Variants in CHEK1 observed in about 807,000 individuals in gnomAD.
The protein encoded by CHEK1 is serine/threonine-protein kinase Chk1.
In CHEK1, 32 loss-of-function variants were observed where a neutral mutation model predicts 60.2. That is an observed-to-expected ratio of 0.53 (90% CI 0.40 to 0.71). The LOEUF (loss-of-function observed/expected upper bound fraction) is 0.71. Among genes scored for constraint, CHEK1 ranks in the 30% least tolerant of loss-of-function variants. The pLI is 0.00. For missense variants in CHEK1, 399 were observed against 564.6 expected, an observed-to-expected ratio of 0.71 and a Z score of 2.97; for synonymous variants, 179 against 187.2, an observed-to-expected ratio of 0.96 and a Z score of 0.36.
downstream of CHEK1, chr11:125,680,636 G>A: frequency 8.5e-7 from 1 of 1,175,312 alleles, no homozygotes; most frequent in East Asian, 2.4e-5. Flanking sequence ...ATTGGTTTGG[G>A]TGACTGAGAG....
At chr11:125,650,537 G>A (rs538721736) in intron 11 of CHEK1, among the ~76,000 whole-genome samples, 2 of 147,800 alleles carry the variant, frequency 1.4e-5, no homozygotes, top group African/African-American at 5.0e-5. Context: ...GCTCACTGCA[G>A]CCTCCACCTC....
intron 11 of CHEK1, among the ~76,000 whole-genome samples, chr11:125,646,085 A>C (rs1306290264): frequency 6.6e-6 from 1 of 152,112 alleles, no homozygotes; most frequent in Non-Finnish European, 1.5e-5. Context: ...AGAACATTGC[A>C]TCACCACGGG....
chr11:125,634,015 T>TTTTTA (rs59629339), intron 6 of CHEK1, among the ~76,000 whole-genome samples: 4 of 150,738 alleles, frequency 2.7e-5, no homozygotes, highest in African/African-American at 7.3e-5. Context: ...TTTTTTTTTT[T>TTTTTA]AGACCAGAGT....
downstream of CHEK1, among the ~76,000 whole-genome samples, chr11:125,679,216 C>CTTTTTTTTTTTT (rs71045115): frequency 2.7e-3 from 330 of 121,006 alleles, 17 homozygotes; most frequent in East Asian, 5.3e-3. Context: ...CCGTCTCTTT[C>CTTTTTTTTTTTT]TTTTTTTTTT....
intron 2 of CHEK1, 134 bp downstream of exon 2, chr11:125,626,967 A>G: frequency 5.4e-6 from 5 of 918,550 alleles, no homozygotes; most frequent in Non-Finnish European, 8.2e-6. Context: ...GCCTTTTGCT[A>G]GGATTAAAAA....
At chr11:125,674,427 C>T (rs1942382979) in intron 13 of CHEK1, among the ~76,000 whole-genome samples, 1 of 152,166 alleles carries the variant, frequency 6.6e-6, no homozygotes, top group South Asian at 2.1e-4. Context: ...TAATTTCAGG[C>T]TGAAGCATAA....
At chr11:125,676,353 A>G (rs1421297477), downstream of CHEK1, 9 of 1,614,118 alleles carry the variant, frequency 5.6e-6, no homozygotes, top group South Asian at 1.1e-5. Context: ...TGAAGTCCCC[A>G]TATACCTTCA....
Position 125,626,840 on chromosome 11 carries a change from T to G in CHEK1, c.65+7T>G. ...GAGAAGGTGCCTATGGAGAGTGAGT[T>G]CTTTTAAGCTTGCCTTCGTTTTCTG... On this transcript the variant is annotated splice_region_variant and intron_variant, in intron 2 of 12. Coordinates refer to ENST00000438015, the MANE Select transcript of CHEK1 (RefSeq NM_001114122.3). 6.2e-7 allele frequency: 1 copy of G among 1,614,128 alleles called. No homozygotes were observed. Among genetic ancestry groups the G allele is most frequent in the Non-Finnish European group, 8.5e-7 (1 of 1,179,976 alleles).
intron 13 of CHEK1, among the ~76,000 whole-genome samples, chr11:125,674,178 A>G (rs1419156084): frequency 1.3e-5 from 2 of 152,208 alleles, no homozygotes; most frequent in Non-Finnish European, 2.9e-5. Flanking sequence ...GAACTATGCT[A>G]GACTCTGGAG....
intron 10 of CHEK1, 31 bp downstream of exon 10, chr11:125,644,299 G>T (rs771089297): frequency 3.8e-6 from 6 of 1,576,228 alleles, no homozygotes; most frequent in Non-Finnish European, 5.2e-6. Flanking sequence ...AAAAGTAATG[G>T]CAGCTCTTTA....
Position 125,641,292 on chromosome 11 carries a change from C to T in CHEK1, c.815-2500C>T, listed in dbSNP as rs373631765. Among the ~76,000 whole-genome samples the T allele has an allele frequency of 2.6e-5, 4 of 152,176 alleles. No individual in the cohort carries two copies. In the East Asian group the frequency reaches 7.7e-4, roughly 29 times the overall value. ...CCAGGCGTTACACTCTTCTGATTTT[C>T]GTCCTTCTCACTGGTCGCTCTTTTC... On this transcript the variant is annotated intron_variant, in intron 8 of 12. Transcript: ENST00000438015.
At chr11:125,628,213 ATCTAAAATAGCATGCTG>A (rs1472478162) in intron 3 of CHEK1, among the ~76,000 whole-genome samples, 3 of 152,222 alleles carry the variant, frequency 2.0e-5, no homozygotes, top group Admixed American at 2.0e-4. Context: ...ACATTTACAG[ATCTAAAATAGCATGCTG>A]TTTCCTCTTG....
At chr11:125,671,284 A>G (rs367563332) in intron 13 of CHEK1, among the ~76,000 whole-genome samples, 4 of 152,178 alleles carry the variant, frequency 2.6e-5, no homozygotes, top group South Asian at 2.1e-4. Context: ...TCAAAAAAAA[A>G]AGTTATTAGT....
chr11:125,659,875 C>A (rs1457772259), downstream of CHEK1, among the ~76,000 whole-genome samples: 1 of 152,134 alleles, frequency 6.6e-6, no homozygotes, highest in Non-Finnish European at 1.5e-5. Context: ...CCCACTTTTT[C>A]TTCCTCCAGT....
At chr11:125,673,465 C>T (rs934795393) in intron 13 of CHEK1, among the ~76,000 whole-genome samples, 21 of 135,954 alleles carry the variant, frequency 1.5e-4, no homozygotes, top group Non-Finnish European at 2.7e-4. Flanking sequence ...CCTCCCAAAG[C>T]GCTGGGATTA....
downstream of CHEK1, among the ~76,000 whole-genome samples, chr11:125,679,232 T>G (rs1942684030): frequency 6.7e-6 from 1 of 148,602 alleles, no homozygotes; most frequent in Non-Finnish European, 1.5e-5. Flanking sequence ...TTTTTTTTGT[T>G]TCAAAGATAG....
At chr11:125,661,600 C>G (rs1250024815), downstream of CHEK1, among the ~76,000 whole-genome samples, 1 of 152,174 alleles carries the variant, frequency 6.6e-6, no homozygotes, top group Non-Finnish European at 1.5e-5. Flanking sequence ...GCGTGAGCCA[C>G]CGCGCCCAAC....
At chr11:125,639,140 T>A (rs1011883464) in intron 8 of CHEK1, among the ~76,000 whole-genome samples, 1 of 152,146 alleles carries the variant, frequency 6.6e-6, no homozygotes, top group African/African-American at 2.4e-5. Flanking sequence ...TCTCTCTTCA[T>A]CATACTTAGT....
intron 6 of CHEK1, among the ~76,000 whole-genome samples, chr11:125,634,927 A>C (rs1031827505): frequency 1.3e-5 from 2 of 151,950 alleles, no homozygotes; most frequent in Non-Finnish European, 2.9e-5. Context: ...TTGTGAAAAC[A>C]AGACTAGGGC....
Sources: allele counts gnomAD v4.1 joint callset (sites outside exome capture counted in the v4.1 genomes callset), GRCh38; gene constraint gnomAD v4.1.1; transcripts MANE v1.5; gene names NCBI Gene and HGNC (gene_info 2026-07-23, HGNC 2026-07-21).